ZYG11A: variants seen among roughly 807,000 people sequenced by gnomAD.
ZYG11A encodes protein zyg-11 homolog A.
In ZYG11A, 62 loss-of-function variants were observed where a neutral mutation model predicts 77.2. The ratio of observed to expected loss-of-function variants is 0.80; its 90% CI spans 0.65 to 0.99. The LOEUF (loss-of-function observed/expected upper bound fraction) is 0.99. ZYG11A is among the 50% of genes least tolerant of loss of function. ZYG11A has a pLI of 0.00. For synonymous variants in ZYG11A, 315 were observed against 324.6 expected (o/e 0.97, Z 0.32); for missense variants, 828 against 896.8 (o/e 0.92, Z 0.98).
At chr1:52,851,491 G>A (rs1327630058) in intron 1 of ZYG11A, among the ~76,000 whole-genome samples, 1 of 151,944 alleles carries the variant, frequency 6.6e-6, no homozygotes, top group Non-Finnish European at 1.5e-5. Flanking sequence ...TCTGGCTCCC[G>A]GGTACAAGCG....
Position 52,892,862 on chromosome 1 carries a change from C to T in ZYG11A, c.2185C>T (p.Pro729Ser), listed in dbSNP as rs368835975. Reference sequence around the variant, plus strand: ...TATCCAGGAGCACAGTGAGGCAACCCCCAAAGCACAGCAGATTGCAGCCTC... The same window carrying T: ...TATCCAGGAGCACAGTGAGGCAACCTCCAAAGCACAGCAGATTGCAGCCTC... ...CDIQEHSEAT[P>S]KAQQIAASIL... Residue 729 changes from proline to serine, a missense_variant, in exon 14 of 14, where the codon CCC (proline) becomes TCC (serine). Coordinates refer to ENST00000371528, the MANE Select transcript of ZYG11A (RefSeq NM_001004339.3). 26 of 1,551,636 alleles carry T rather than the reference C, an allele frequency of 1.7e-5. No individual in the cohort carries two copies. The highest frequency in any genetic ancestry group is 2.2e-5 in the Non-Finnish European group (25 of 1,146,974).
chr1:52,867,715 G>C lies in ZYG11A; in HGVS notation c.1492-12G>C, dbSNP rs186602179. 308 of 1,551,360 alleles carry C rather than the reference G, an allele frequency of 2.0e-4. 5 individuals are homozygous for C. In the East Asian group the frequency reaches 7.5e-3, roughly 38 times the overall value. On this transcript the variant is annotated splice_polypyrimidine_tract_variant and intron_variant, in intron 7 of 13. Coordinates refer to ENST00000371528, the MANE Select transcript of ZYG11A (RefSeq NM_001004339.3). ...TTCCATAGTTCACTTGAGCCTTTCT[G>C]TTTGCTTATAGCTCTCACCTGAGCA...
intron 1 of ZYG11A, among the ~76,000 whole-genome samples, chr1:52,847,820 C>T (rs1223576128): frequency 6.8e-6 from 1 of 146,744 alleles, no homozygotes; most frequent in Non-Finnish European, 1.5e-5. Flanking sequence ...CAGGTGTGTG[C>T]CACCACGCCT....
At position 52,847,835 on chromosome 1, in the gene ZYG11A, AATTTATTT is replaced by A. The variant is rs5774129; in HGVS notation, c.90+4903_90+4910del. On this transcript the variant is annotated intron_variant, in intron 1 of 13. Transcript: ENST00000371528. ...CAGGTGTGTGCCACCACGCCTTGCTAATTTATTTATTTATTTATTTATTTATTTATTTA... is the reference window on the plus strand; with the variant it reads ...CAGGTGTGTGCCACCACGCCTTGCTAATTTATTTATTTATTTATTTATTTA... 0.014 allele frequency among the ~76,000 whole-genome samples: 1,716 copies of A among 119,332 alleles called. 84 individuals are homozygous for A. The East Asian group carries it at 0.18, about 12-fold the overall frequency. 78.3% of individuals were successfully genotyped at this position (119,332 alleles called of 152,430 possible).
chr1:52,855,838 G>A (rs1426351388), intron 2 of ZYG11A, among the ~76,000 whole-genome samples: 1 of 151,838 alleles, frequency 6.6e-6, no homozygotes, highest in African/African-American at 2.4e-5. Context: ...TCTCACTTTT[G>A]GGCTATTATG....
intron 13 of ZYG11A, among the ~76,000 whole-genome samples, chr1:52,888,844 A>G (rs1403431377): frequency 6.6e-6 from 1 of 152,216 alleles, no homozygotes; most frequent in Non-Finnish European, 1.5e-5. Flanking sequence ...AAAGAAGGAA[A>G]GAAATGTGGT....
At chr1:52,849,396 C>T (rs1017996688) in intron 1 of ZYG11A, among the ~76,000 whole-genome samples, 2 of 151,948 alleles carry the variant, frequency 1.3e-5, no homozygotes, top group Admixed American at 1.3e-4. Flanking sequence ...CCAAGTCTTG[C>T]TCTGTCGCTC....
rs567807032 is a variant in ZYG11A at position 52,885,555 on chromosome 1, T to A, written c.1945-278T>A. Among the ~76,000 whole-genome samples the A allele has an allele frequency of 2.6e-5, 4 of 152,322 alleles. No homozygotes were observed. In the East Asian group the frequency reaches 7.7e-4, roughly 29 times the overall value. On this transcript the variant is annotated intron_variant, in intron 11 of 13. Coordinates refer to ENST00000371528, the MANE Select transcript of ZYG11A (RefSeq NM_001004339.3). ...GCTAGGTATTAAATCAGTTACCATT[T>A]TTCCATGTGCATTGTTCTTTGTTTT... is the stretch of plus-strand genomic sequence containing the variant.
At chr1:52,861,618 C>T (rs374211293) in intron 4 of ZYG11A, among the ~76,000 whole-genome samples, 7 of 152,038 alleles carry the variant, frequency 4.6e-5, no homozygotes, top group African/African-American at 9.6e-5. Context: ...GCAGGAGAAT[C>T]GCTGGAACTC....
At chr1:52,849,638 G>A (rs1645666500) in intron 1 of ZYG11A, among the ~76,000 whole-genome samples, 1 of 151,314 alleles carries the variant, frequency 6.6e-6, no homozygotes, top group Non-Finnish European at 1.5e-5. Context: ...AGCGTGCTGG[G>A]ATTACAGGCG....
chr1:52,871,696 C>T (rs1646169805), intron 8 of ZYG11A, among the ~76,000 whole-genome samples: 1 of 152,094 alleles, frequency 6.6e-6, no homozygotes, highest in African/African-American at 2.4e-5. Flanking sequence ...TCAGCCTGGT[C>T]ACTAACTTTA....
At position 52,857,403 on chromosome 1, in the gene ZYG11A, C is replaced by T. The variant is rs1056678459; in HGVS notation, c.662C>T (p.Ser221Phe). The stretch of plus-strand genomic sequence containing the variant: ...TCTAATACTCTAGTCACTGATATTT[C>T]TGCACTGCTTACCTGTAAGGATCGA... ...DISNTLVTDISALLTCKDRLK... is the reference protein window; with the variant it reads ...DISNTLVTDIFALLTCKDRLK... Residue 221 changes from serine (S) to phenylalanine (F), a missense_variant, in exon 3 of 14, where the codon TCT becomes TTT. Ser to Phe is a radical substitution (Grantham distance 155). Coordinates refer to ENST00000371528, the MANE Select transcript of ZYG11A (RefSeq NM_001004339.3). The T allele has an allele frequency of 3.2e-6, 5 of 1,551,878 alleles. No individual in the cohort carries two copies. The highest frequency in any genetic ancestry group is 4.4e-6 in the Non-Finnish European group (5 of 1,147,012).
chr1:52,883,954 A>G (rs1192947351), intron 11 of ZYG11A, among the ~76,000 whole-genome samples: 1 of 151,850 alleles, frequency 6.6e-6, no homozygotes, highest in Non-Finnish European at 1.5e-5. Context: ...ATCATAGCTC[A>G]CTGCCGCCTC....
chr1:52,851,678 G>A (rs912776442), intron 1 of ZYG11A, among the ~76,000 whole-genome samples: 16 of 152,074 alleles, frequency 1.1e-4, no homozygotes, highest in East Asian at 1.9e-4. Flanking sequence ...GGAATTATAG[G>A]CGTGAGCCAC....
At chr1:52,883,917 T>C (rs1373775235) in intron 11 of ZYG11A, among the ~76,000 whole-genome samples, 1 of 149,366 alleles carries the variant, frequency 6.7e-6, no homozygotes, top group Admixed American at 6.6e-5. Flanking sequence ...GCTTGCTCTG[T>C]CACCCAGGCT....
intron 1 of ZYG11A, among the ~76,000 whole-genome samples, chr1:52,853,210 T>G (rs909004290): frequency 6.6e-6 from 1 of 152,234 alleles, no homozygotes; most frequent in African/African-American, 2.4e-5. Flanking sequence ...AGTATCATAT[T>G]ATGTCACTAG....
intron 8 of ZYG11A, among the ~76,000 whole-genome samples, chr1:52,872,313 A>T (rs1457368201): frequency 6.6e-6 from 1 of 152,034 alleles, no homozygotes; most frequent in African/African-American, 2.4e-5. Flanking sequence ...CATGTTGGCC[A>T]GTCTGGTCTC....
chr1:52,846,310 TTATATATATATATATATATA>T (rs869093943), intron 1 of ZYG11A, among the ~76,000 whole-genome samples: 863 of 35,696 alleles, frequency 0.024, 19 homozygotes, highest in Non-Finnish European at 0.042. Flanking sequence ...TTTTAAATTT[TTATATATATATATATATATA>T]TATATATATA....
chr1:52,843,932 C>G (rs1273908784), intron 1 of ZYG11A, among the ~76,000 whole-genome samples: 5 of 152,084 alleles, frequency 3.3e-5, no homozygotes, highest in Non-Finnish European at 7.4e-5. Flanking sequence ...GTGATCTACC[C>G]GCCTCGGCCT....
Sources: gnomAD v4.1 joint callset for allele counts (sites outside exome capture counted in the v4.1 genomes callset) on GRCh38, gnomAD v4.1.1 for gene constraint, MANE v1.5 for transcripts, NCBI Gene and HGNC (gene_info 2026-07-23, HGNC 2026-07-21) for gene names.